The following FARP1 variants were observed in gnomAD, a reference collection of about 807,000 sequenced individuals.
FARP1 encodes the protein FERM, ARHGEF and pleckstrin domain-containing protein 1.
In FARP1, 52 loss-of-function variants were observed where a neutral mutation model predicts 128.8. The ratio of observed to expected loss-of-function variants is 0.40; its 90% CI spans 0.32 to 0.51. The LOEUF (loss-of-function observed/expected upper bound fraction) is 0.51, where lower values mean the gene tolerates loss of function less well. FARP1 is among the 20% of genes least tolerant of loss of function. The pLI is 0.45. For missense variants in FARP1, 1,333 were observed against 1,367.9 expected (o/e 0.97, Z 0.40); for synonymous variants, 580 against 551.8 (o/e 1.05, Z -0.72).
intron 2 of FARP1, among the ~76,000 whole-genome samples, chr13:98,313,770 C>T (rs1886595495): frequency 6.6e-6 from 1 of 152,164 alleles, no homozygotes; most frequent in South Asian, 2.1e-4. Context: ...AGTAACATGG[C>T]ACAACACTGG....
chr13:98,163,380 C>T (rs1373633163), intron 1 of FARP1, among the ~76,000 whole-genome samples: 3 of 152,040 alleles, frequency 2.0e-5, no homozygotes, highest in Admixed American at 1.3e-4. Context: ...GGCTTAGTAC[C>T]TTCTGTTAAA....
At chr13:98,263,314 CTTTTA>C (rs1032480778) in intron 2 of FARP1, among the ~76,000 whole-genome samples, 7 of 152,046 alleles carry the variant, frequency 4.6e-5, no homozygotes, top group African/African-American at 1.7e-4. Flanking sequence ...GGCCACACTA[CTTTTA>C]TTTATAATGT....
At chr13:98,254,837 T>C (rs1883507493) in intron 2 of FARP1, among the ~76,000 whole-genome samples, 1 of 152,072 alleles carries the variant, frequency 6.6e-6, no homozygotes, top group Non-Finnish European at 1.5e-5. Context: ...GGGAAAGCAA[T>C]GATGGGATAT....
Position 98,448,739 on chromosome 13 carries a change from GT to G in FARP1, c.*425del, listed in dbSNP as rs1893027305. 3.2e-5 allele frequency: 1 copy of G among 31,272 alleles called. No homozygotes were observed. Among genetic ancestry groups the G allele is most frequent in the Admixed American group, 2.3e-4 (1 of 4,282 alleles). 1.9% of individuals were successfully genotyped at this position (31,272 alleles called of 1,614,324 possible). ...CATTTTACGAAGTGGACTTCCCGGTGTTTGTTTGTTTGTTTGCAATACACTC... is the reference window on the plus strand; with the variant it reads ...CATTTTACGAAGTGGACTTCCCGGTGTTGTTTGTTTGTTTGCAATACACTC... On this transcript the variant is annotated 3_prime_UTR_variant, in exon 27 of 27. Coordinates refer to ENST00000319562, the MANE Select transcript of FARP1 (RefSeq NM_005766.4).
At chr13:98,369,143 T>A (rs1380745725) in intron 5 of FARP1, among the ~76,000 whole-genome samples, 1 of 152,084 alleles carries the variant, frequency 6.6e-6, no homozygotes, top group East Asian at 1.9e-4. Flanking sequence ...CAGACTGGTC[T>A]CGAACTCCTG....
intron 2 of FARP1, among the ~76,000 whole-genome samples, chr13:98,215,930 A>G (rs1439954030): frequency 1.3e-5 from 2 of 152,060 alleles, no homozygotes; most frequent in Non-Finnish European, 2.9e-5. Flanking sequence ...AGCTGGTACG[A>G]TAGGTGCCTG....
chr13:98,408,322 CTTTTTTTTT>C (rs34532263), intron 13 of FARP1, among the ~76,000 whole-genome samples: 2 of 90,164 alleles, frequency 2.2e-5, no homozygotes, highest in Non-Finnish European at 4.1e-5. Context: ...GTAATATATA[CTTTTTTTTT>C]TTTTTTTTTT....
chr13:98,202,034 C>G (rs1173827253), intron 1 of FARP1, among the ~76,000 whole-genome samples: 1 of 152,258 alleles, frequency 6.6e-6, no homozygotes, highest in Non-Finnish European at 1.5e-5. Flanking sequence ...TCCATCCACA[C>G]AGATAGCTGT....
chr13:98,280,508 C>G (rs1884883674), intron 2 of FARP1, among the ~76,000 whole-genome samples: 1 of 151,942 alleles, frequency 6.6e-6, no homozygotes, highest in Non-Finnish European at 1.5e-5. Flanking sequence ...CTGTCTGCTC[C>G]TGTCTGTGTC....
At chr13:98,344,725 C>G (rs137962881) in intron 3 of FARP1, among the ~76,000 whole-genome samples, 3 of 152,298 alleles carry the variant, frequency 2.0e-5, no homozygotes, top group Non-Finnish European at 2.9e-5. Context: ...CAGTGCAGAT[C>G]GAGCCTGGCT....
At chr13:98,432,028 A>G (rs1377565734) in intron 18 of FARP1, 1 of 152,226 alleles carries the variant, frequency 6.6e-6, no homozygotes, top group Admixed American at 6.5e-5. Flanking sequence ...CATCAGCATA[A>G]TGAGCATCTC....
rs371980918 is a variant in FARP1 at position 98,268,624 on chromosome 13, C to T, written c.171+55211C>T. ...CTGGGATTACAGGCGCCCACCAACA[C>T]GCCCGGCTAATTTTTGTATTTTTAG... On this transcript the variant is annotated intron_variant, in intron 2 of 26. Coordinates refer to ENST00000319562, the MANE Select transcript of FARP1 (RefSeq NM_005766.4). Among the ~76,000 whole-genome samples, 33 of 152,160 alleles carry T rather than the reference C, an allele frequency of 2.2e-4. 1 individual carries two copies. Among genetic ancestry groups the T allele is most frequent in the South Asian group, 1.5e-3 (7 of 4,814 alleles).
At chr13:98,232,027 G>A (rs1328733799) in intron 2 of FARP1, among the ~76,000 whole-genome samples, 4 of 150,956 alleles carry the variant, frequency 2.6e-5, no homozygotes, top group East Asian at 2.0e-4. Flanking sequence ...ATGGGGTTTC[G>A]CCATGTTAGC....
chr13:98,393,813 C>T, intron 12 of FARP1, 95 bp downstream of exon 12: 1 of 915,484 alleles, frequency 1.1e-6, no homozygotes, highest in East Asian at 2.6e-5. Context: ...GTTCTCTGTC[C>T]TTTCCTTTGG....
rs1566337338 is a variant in FARP1 at position 98,451,974 on chromosome 13, G to GC, written c.*3658dup. The stretch of plus-strand genomic sequence containing the variant: ...ACCTCCAACTGCATCATCTCGGTGA[G>GC]CAAGTGCGCAAGCAGTCCAGGGCGC... On this transcript the variant is annotated 3_prime_UTR_variant, in exon 27 of 27. Coordinates refer to ENST00000319562, the MANE Select transcript of FARP1 (RefSeq NM_005766.4). The GC allele has an allele frequency of 6.6e-6, 1 of 152,026 alleles. No individual in the cohort carries two copies. The highest frequency in any genetic ancestry group is 1.9e-4 in the East Asian group (1 of 5,194). The allele number at this position is 152,026 out of a possible 1,614,324, so 9.4% of individuals were successfully genotyped here. A position where few individuals can be genotyped will look rare whatever the true frequency, so the allele number is the denominator to read the frequency against.
At chr13:98,411,743 T>C (rs1891200972) in intron 15 of FARP1, among the ~76,000 whole-genome samples, 158 bp from the exon 16 acceptor site, 1 of 152,176 alleles carries the variant, frequency 6.6e-6, no homozygotes, top group Admixed American at 6.5e-5. Context: ...GGGGAAGCAG[T>C]AAGGCCCGGG....
Position 98,211,327 on chromosome 13 carries a change from G to A in FARP1, c.-23-1893G>A, listed in dbSNP as rs1291567499. Among the ~76,000 whole-genome samples, 3 of 152,218 alleles carry A rather than the reference G, an allele frequency of 2.0e-5. 1 individual carries two copies. Among genetic ancestry groups the A allele is most frequent in the Non-Finnish European group, 2.9e-5 (2 of 68,032 alleles). On this transcript the variant is annotated intron_variant, in intron 1 of 26. Transcript: ENST00000319562. ...CTGCAAGCATTAGATTCTCATAGGA[G>A]CACAGACCCTGTTGGGAACTGCGCA...
Position 98,449,473 on chromosome 13 carries a change from T to TC in FARP1, c.*1158dup, listed in dbSNP as rs1215909125. The TC allele has an allele frequency of 2.6e-5, 4 of 152,200 alleles. No individual in the cohort carries two copies. The highest frequency in any genetic ancestry group is 4.4e-5 in the Non-Finnish European group (3 of 68,030). The allele number at this position is 152,200 out of a possible 1,614,324, so 9.4% of individuals were successfully genotyped here. ...GGGGTGGCTGCCATTCCCTTGGTTTTCCTAAGCCCTTTCTAACGAGAGTCT... is the reference window on the plus strand; with the variant it reads ...GGGGTGGCTGCCATTCCCTTGGTTTTCCCTAAGCCCTTTCTAACGAGAGTCT... On this transcript the variant is annotated 3_prime_UTR_variant, in exon 27 of 27. Transcript: ENST00000319562.
rs559733479 is a variant in FARP1, at chr13:98,440,623, C to T, written c.2630-47C>T. ...CACCTCAGAGTGTATCAGGAAGGGGCGCTGGGAGGAAAGATCAGAAGTGCT... is the reference window on the plus strand; with the variant it reads ...CACCTCAGAGTGTATCAGGAAGGGGTGCTGGGAGGAAAGATCAGAAGTGCT... On this transcript the variant is annotated intron_variant, in intron 23 of 26. Coordinates refer to ENST00000319562, the MANE Select transcript of FARP1 (RefSeq NM_005766.4). 4.5e-5 allele frequency: 70 copies of T among 1,565,110 alleles called. 2 individuals are homozygous for T. In the South Asian group the frequency reaches 7.0e-4, roughly 16 times the overall value.
Sources: gnomAD v4.1 joint callset for allele counts (sites outside exome capture counted in the v4.1 genomes callset) on GRCh38, gnomAD v4.1.1 for gene constraint, MANE v1.5 for transcripts, NCBI Gene and HGNC (gene_info 2026-07-23, HGNC 2026-07-21) for gene names.